SEMA4D: variants seen among roughly 807,000 people sequenced by gnomAD.
The protein encoded by SEMA4D is semaphorin-4D.
In SEMA4D, 22 loss-of-function variants were observed where a neutral mutation model predicts 74.8. The ratio of observed to expected loss-of-function variants is 0.29; its 90% confidence interval spans 0.21 to 0.42. SEMA4D has a LOEUF of 0.42. Among genes scored for constraint, SEMA4D ranks in the 10% least tolerant of loss-of-function variants. SEMA4D has a pLI of 1.00. For missense variants in SEMA4D, 937 were observed against 1,118.4 expected (o/e 0.84, Z 2.31); for synonymous variants, 445 against 463.7 (o/e 0.96, Z 0.52).
At chr9:89,363,307 C>T (rs922763347) in intron 18 of SEMA4D, 21 of 1,413,118 alleles carry the variant, frequency 1.5e-5, no homozygotes, top group East Asian at 2.4e-5. Context: ...GAAACTGCTC[C>T]GGGGCTAAGA....
exon 18 of SEMA4D, chr9:89,363,489 C>T: frequency 1.2e-6 from 2 of 1,614,112 alleles, no homozygotes; most frequent in Non-Finnish European, 8.5e-7. Context: ...GCCCTCCAGG[C>T]AGAGAGCTCT....
chr9:89,453,615 A>G (rs1255823398), intron 2 of SEMA4D, among the ~76,000 whole-genome samples: 1 of 152,186 alleles, frequency 6.6e-6, no homozygotes, highest in Non-Finnish European at 1.5e-5. Flanking sequence ...TCCCAGAACC[A>G]TCTGGTCGCG....
At chr9:89,374,758 A>G (rs1034839839), downstream of SEMA4D, among the ~76,000 whole-genome samples, 1 of 152,166 alleles carries the variant, frequency 6.6e-6, no homozygotes, top group Admixed American at 6.5e-5. Flanking sequence ...CTCACATTTA[A>G]AAATGTAACA....
intron 2 of SEMA4D, among the ~76,000 whole-genome samples, chr9:89,431,253 G>A (rs1003535082): frequency 5.3e-5 from 8 of 152,134 alleles, no homozygotes; most frequent in Non-Finnish European, 8.8e-5. Flanking sequence ...TAACCCTGGC[G>A]GCTCCTGCTC....
intron 6 of SEMA4D, among the ~76,000 whole-genome samples, chr9:89,394,275 A>G (rs751460038): frequency 1.3e-5 from 2 of 152,184 alleles, no homozygotes; most frequent in Non-Finnish European, 2.9e-5. Context: ...CAATGCACAG[A>G]TCCAACCACA....
Position 89,492,219 on chromosome 9 carries a change from G to C in SEMA4D, c.-310+5700C>G, listed in dbSNP as rs889886951. Among the ~76,000 whole-genome samples, 1 of 152,012 alleles carries C rather than the reference G, an allele frequency of 6.6e-6. No homozygotes were observed. The highest frequency in any genetic ancestry group is 1.9e-4 in the East Asian group (1 of 5,184). Reference sequence around the variant, plus strand: ...CATGGATAAACCCCAGGTTGTCTTCGGTTCTCACCTTCGTGACCTCCGCTG... The same window carrying C: ...CATGGATAAACCCCAGGTTGTCTTCCGTTCTCACCTTCGTGACCTCCGCTG... On this transcript the variant is annotated intron_variant, in intron 1 of 15. Transcript: ENST00000422704. This position sits in a 1 kb window ranked among gnomAD's most constrained non-coding sequence, Gnocchi z 4.3.
chr9:89,454,816 G>A (rs1240578578), intron 2 of SEMA4D, among the ~76,000 whole-genome samples: 1 of 152,212 alleles, frequency 6.6e-6, no homozygotes, highest in Non-Finnish European at 1.5e-5. Flanking sequence ...ACACAGCCAT[G>A]CCACAGCACT....
In SEMA4D at chr9:89,397,156, C is replaced by T. The variant is rs560393765; in HGVS notation, c.316-321G>A. Among the ~76,000 whole-genome samples the T allele has an allele frequency of 1.7e-4, 26 of 152,234 alleles. No homozygotes were observed. The Middle Eastern group carries it at 0.014, about 80-fold the overall frequency. On this transcript the variant is annotated intron_variant, in intron 5 of 15. Coordinates refer to ENST00000422704, the MANE Select transcript of SEMA4D (RefSeq NM_001371194.2). ...GCAGTGTCCACATGCTGTTCAGGTGCCAAACAGGATTTTGTTTCAGTCCCT... is the reference window on the plus strand; with the variant it reads ...GCAGTGTCCACATGCTGTTCAGGTGTCAAACAGGATTTTGTTTCAGTCCCT...
downstream of SEMA4D, chr9:89,376,699 C>T (rs560588459): frequency 1.6e-5 from 21 of 1,316,182 alleles, no homozygotes; most frequent in African/African-American, 2.1e-4. Flanking sequence ...CGGCTCAACC[C>T]GAGGGACGCA....
intron 1 of SEMA4D, among the ~76,000 whole-genome samples, chr9:89,496,736 A>T (rs1376135911): frequency 6.6e-6 from 1 of 152,240 alleles, no homozygotes; most frequent in East Asian, 1.9e-4. Context: ...TTTCTGGGAC[A>T]CAGTAAACAT....
rs781469022 is a variant in SEMA4D at position 89,396,778 on chromosome 9, C to T, written c.373G>A (p.Val125Met). Residue 125 changes from valine to methionine, a missense_variant, in exon 6 of 16, where the codon GTG becomes ATG. Physicochemically the swap from Val to Met is conservative, Grantham distance 21. Coordinates refer to ENST00000422704, the MANE Select transcript of SEMA4D (RefSeq NM_001371194.2). ...LQPLSATSLY[V>M]CGTNAFQPAC... ...GGCTGGAATGCGTTGGTCCCACACA[C>T]GTAAAGGGAAGTGGCGCTGAGTGGC... is the stretch of plus-strand genomic sequence containing the variant. The T allele has an allele frequency of 2.6e-5, 42 of 1,613,900 alleles. No homozygotes were observed. Among genetic ancestry groups the T allele is most frequent in the Non-Finnish European group, 3.0e-5 (35 of 1,179,952 alleles).
At chr9:89,453,868 T>C (rs1855251324) in intron 2 of SEMA4D, among the ~76,000 whole-genome samples, 1 of 151,110 alleles carries the variant, frequency 6.6e-6, no homozygotes, top group Non-Finnish European at 1.5e-5. Flanking sequence ...TTTTTTTTTT[T>C]TTTTTTTGAG....
chr9:89,443,115 C>CA (rs1156856270), intron 2 of SEMA4D, among the ~76,000 whole-genome samples: 1 of 152,202 alleles, frequency 6.6e-6, no homozygotes, highest in Non-Finnish European at 1.5e-5. Flanking sequence ...GGAGGTGACT[C>CA]ACAGTCCAGA....
At chr9:89,392,644 G>C (rs1840109694) in intron 7 of SEMA4D, 108 bp from the exon 8 acceptor site, 1 of 704,170 alleles carries the variant, frequency 1.4e-6, no homozygotes, top group South Asian at 1.7e-5. Flanking sequence ...ACCCAATTAA[G>C]TCCCTGCCTG....
chr9:89,399,723 C>A (rs1284448667), intron 4 of SEMA4D, among the ~76,000 whole-genome samples: 2 of 152,050 alleles, frequency 1.3e-5, no homozygotes, highest in African/African-American at 4.8e-5. Context: ...ACAGGCCGGG[C>A]GCAGTGGCTC....
intron 3 of SEMA4D, among the ~76,000 whole-genome samples, chr9:89,403,989 G>T (rs1842727807): frequency 6.6e-6 from 1 of 152,188 alleles, no homozygotes; most frequent in African/African-American, 2.4e-5. Context: ...CCATGTGGAA[G>T]AGAGATGCAC....
intron 2 of SEMA4D, among the ~76,000 whole-genome samples, chr9:89,407,718 C>A (rs1273624459): frequency 6.6e-6 from 1 of 152,212 alleles, no homozygotes; most frequent in Non-Finnish European, 1.5e-5. Flanking sequence ...ACTCTACCTC[C>A]ATCCAACTGC....
Position 89,475,856 on chromosome 9 carries a change from T to C in SEMA4D, c.-309-19903A>G, listed in dbSNP as rs1397589546. 2.6e-4 allele frequency among the ~76,000 whole-genome samples: 40 copies of C among 152,176 alleles called. 1 individual carries two copies. Among genetic ancestry groups the C allele is most frequent in the Admixed American group, 2.6e-3 (40 of 15,280 alleles). On this transcript the variant is annotated intron_variant, in intron 1 of 15. Coordinates refer to ENST00000422704, the MANE Select transcript of SEMA4D (RefSeq NM_001371194.2). ...TTTTTCCCAGAAAAAGAAAATATCA[T>C]GGAGGCAGAGCTCCCAGGCTTTCTG... is the stretch of plus-strand genomic sequence containing the variant.
At chr9:89,446,902 C>T (rs1197052783) in intron 2 of SEMA4D, among the ~76,000 whole-genome samples, 2 of 152,170 alleles carry the variant, frequency 1.3e-5, no homozygotes, top group Non-Finnish European at 2.9e-5. Flanking sequence ...CTCAGCTGGG[C>T]GTGCCCCTGT....
Sources: gnomAD v4.1 joint callset for allele counts (sites outside exome capture counted in the v4.1 genomes callset) on GRCh38, gnomAD v4.1.1 for gene constraint, Gnocchi (gnomAD v3.1) non-coding constraint, MANE v1.5 for transcripts, NCBI Gene and HGNC (gene_info 2026-07-23, HGNC 2026-07-21) for gene names.